Variants in AIPL1 observed in about 807,000 individuals in gnomAD.
The protein encoded by AIPL1 is aryl-hydrocarbon-interacting protein-like 1.
Under a neutral mutation model 32.9 loss-of-function variants are expected in AIPL1, and 23 were observed. The observed-to-expected ratio is 0.70, with a 90% CI of 0.50 to 0.99. AIPL1 has a LOEUF of 0.99. AIPL1 is among the 50% of genes least tolerant of loss of function. The pLI is 0.00. For synonymous variants in AIPL1, 210 were observed against 209.4 expected (o/e 1.00, Z -0.02); for missense variants, 485 against 506.0 (o/e 0.96, Z 0.40).
chr17:6,427,789 T>C lies in AIPL1; in HGVS notation c.465+529A>G, dbSNP rs373337229. Among the ~76,000 whole-genome samples, 6 of 150,528 alleles carry C rather than the reference T, an allele frequency of 4.0e-5. No individual in the cohort carries two copies. In the East Asian group the frequency reaches 1.2e-3, roughly 30 times the overall value. ...CCACAATGAAAATGAATCACATTTT[T>C]AAAAACTGGTTCCAAGTGGACTTTT... is the stretch of plus-strand genomic sequence containing the variant. On this transcript the variant is annotated intron_variant, in intron 3 of 5. Coordinates refer to ENST00000381129, the MANE Select transcript of AIPL1 (RefSeq NM_014336.5).
intron 2 of AIPL1, among the ~76,000 whole-genome samples, chr17:6,430,456 CAAAAA>C (rs1169701817): frequency 2.2e-5 from 1 of 44,514 alleles, no homozygotes; most frequent in African/African-American, 9.0e-5. Flanking sequence ...AAGTCCGTCT[CAAAAA>C]AAAAAAAAAA....
chr17:6,429,520 G>C (rs58841074), intron 2 of AIPL1, among the ~76,000 whole-genome samples: 1,671 of 152,296 alleles, frequency 0.011, 32 homozygotes, highest in African/African-American at 0.038. Flanking sequence ...AGAGGCCCCA[G>C]AACCAGCTTA....
intron 2 of AIPL1, among the ~76,000 whole-genome samples, chr17:6,429,619 C>A (rs1014471742): frequency 6.6e-5 from 10 of 152,204 alleles, no homozygotes; most frequent in African/African-American, 2.4e-4. Context: ...GCTTTTGTGG[C>A]CCCAAAGCAC....
In AIPL1 at chr17:6,434,233, C is replaced by G. The variant is rs1476110049; in HGVS notation, c.97-135G>C. ...TTCACCCCATCAGATGCCTCAGACC[C>G]CTGGAGCACCTCCACCCTGCCTGCA... is the stretch of plus-strand genomic sequence containing the variant. On this transcript the variant is annotated intron_variant, in intron 1 of 5. Coordinates refer to ENST00000381129, the MANE Select transcript of AIPL1 (RefSeq NM_014336.5). The G allele has an allele frequency of 3.0e-6, 3 of 991,370 alleles. No individual in the cohort carries two copies. In the Admixed American group the frequency reaches 6.0e-5, roughly 20 times the overall value. 61.4% of individuals were successfully genotyped at this position (991,370 alleles called of 1,614,324 possible).
intron 2 of AIPL1, among the ~76,000 whole-genome samples, chr17:6,432,565 G>A (rs1459787268): frequency 2.0e-5 from 3 of 151,780 alleles, no homozygotes; most frequent in Non-Finnish European, 2.9e-5. Context: ...GATATTAGAC[G>A]GCTTTAAGGA....
chr17:6,426,905 G>A lies in AIPL1; in HGVS notation c.618C>T (p.Ile206=), dbSNP rs989061103. 6.2e-7 allele frequency: 1 copy of A among 1,614,098 alleles called. No homozygotes were observed. Among genetic ancestry groups the A allele is most frequent in the African/African-American group, 1.3e-5 (1 of 74,940 alleles). The change falls in exon 4 of 6, where the codon ATC becomes ATT. Residue 206 remains isoleucine, a synonymous_variant. Transcript: ENST00000381129. The part of the protein sequence containing the change: ...EASSKYQEAI[I]CLRNLQTKEK... Reference sequence around the variant, plus strand: ...CCTTGGTCTGCAGGTTCCTTAGGCAGATGATGGCCTCCTGGTACTTGGAAG... The same window carrying A: ...CCTTGGTCTGCAGGTTCCTTAGGCAAATGATGGCCTCCTGGTACTTGGAAG...
Position 6,425,351 on chromosome 17 carries a change from C to A in AIPL1, c.*109G>T. ...CCATGGGTGTGTCTGACTTTGATTT[C>A]AAAAATTAATTTTAAATTTTAAAAA... On this transcript the variant is annotated 3_prime_UTR_variant, in exon 6 of 6. Coordinates refer to ENST00000381129, the MANE Select transcript of AIPL1 (RefSeq NM_014336.5). 2.3e-5 allele frequency: 28 copies of A among 1,230,748 alleles called. No individual in the cohort carries two copies. The highest frequency in any genetic ancestry group is 3.2e-5 in the African/African-American group (2 of 62,432). The allele number at this position is 1,230,748 out of a possible 1,614,324, so 76.2% of individuals were successfully genotyped here.
Position 6,426,975 on chromosome 17 carries a change from C to T in AIPL1, c.548G>A (p.Gly183Glu). The stretch of plus-strand genomic sequence containing the variant: ...CAGCTTGAAGAGCCGATTTCCCTCT[C>T]CGTGGAGGACGGGCACCGCCTTCAT... Reference protein sequence around the residue: ...EKMKAVPVLHGEGNRLFKLGR... With the variant: ...EKMKAVPVLHEEGNRLFKLGR... Residue 183 changes from glycine to glutamate, a missense_variant, in exon 4 of 6, where the codon GGA becomes GAA. Transcript: ENST00000381129. 1 of 1,614,232 alleles carries T rather than the reference C, an allele frequency of 6.2e-7. No individual in the cohort carries two copies. Among genetic ancestry groups the T allele is most frequent in the Non-Finnish European group, 8.5e-7 (1 of 1,180,042 alleles).
intron 2 of AIPL1, among the ~76,000 whole-genome samples, chr17:6,430,471 A>AC (rs1912491868): frequency 6.6e-6 from 1 of 150,602 alleles, no homozygotes. Context: ...AAAAAAAAAA[A>AC]AAAAAAAAAC....
rs183351794 is a variant in AIPL1, at chr17:6,428,796, G to A, written c.277-290C>T. The stretch of plus-strand genomic sequence containing the variant: ...TAAGGTCACACAGCTAGGAAATGAC[G>A]CAGCCAGGATTCAAACCTGGCTCCA... On this transcript the variant is annotated intron_variant, in intron 2 of 5. Coordinates refer to ENST00000381129, the MANE Select transcript of AIPL1 (RefSeq NM_014336.5). Among the ~76,000 whole-genome samples the A allele has an allele frequency of 2.5e-4, 38 of 152,326 alleles. No individual in the cohort carries two copies. The East Asian group carries it at 4.8e-3, about 19-fold the overall frequency.
chr17:6,433,320 G>A (rs1912792187), intron 2 of AIPL1, among the ~76,000 whole-genome samples: 1 of 152,154 alleles, frequency 6.6e-6, no homozygotes, highest in African/African-American at 2.4e-5. Context: ...GACTTAGCCG[G>A]GCAAGATGGC....
intron 2 of AIPL1, among the ~76,000 whole-genome samples, chr17:6,433,582 C>CT (rs1912818131): frequency 1.6e-5 from 2 of 126,248 alleles, no homozygotes; most frequent in African/African-American, 6.1e-5. Context: ...CAGAGCGAGA[C>CT]CCTATCTCTC....
At chr17:6,427,809 ACTTTTTTTTTTTTT>A (rs1912140857) in intron 3 of AIPL1, among the ~76,000 whole-genome samples, 1 of 94,128 alleles carries the variant, frequency 1.1e-5, no homozygotes, top group Non-Finnish European at 2.6e-5. Context: ...TTCCAAGTGG[ACTTTTTTTTTTTTT>A]CTTTTTTTTG....
rs1911802807 is a variant in AIPL1 at position 6,425,324 on chromosome 17, T to A, written c.*136A>T. ...TTGGGATTGTTTTTTTTTTTTTTTT[T>A]ACCATGGGTGTGTCTGACTTTGATT... On this transcript the variant is annotated 3_prime_UTR_variant, in exon 6 of 6. Transcript: ENST00000381129. 2.0e-6 allele frequency: 2 copies of A among 981,000 alleles called. No homozygotes were observed. The highest frequency in any genetic ancestry group is 1.7e-5 in the African/African-American group (1 of 60,014). 60.8% of individuals were successfully genotyped at this position (981,000 alleles called of 1,614,324 possible).
chr17:6,431,162 T>C (rs1352777915), intron 2 of AIPL1, among the ~76,000 whole-genome samples: 1 of 152,206 alleles, frequency 6.6e-6, no homozygotes, highest in Non-Finnish European at 1.5e-5. Context: ...AAATTTTTTC[T>C]AGGCTGGACA....
Position 6,425,364 on chromosome 17 carries a change from T to A in AIPL1, c.*96A>T. On this transcript the variant is annotated 3_prime_UTR_variant, in exon 6 of 6. Coordinates refer to ENST00000381129, the MANE Select transcript of AIPL1 (RefSeq NM_014336.5). The stretch of plus-strand genomic sequence containing the variant: ...TGACTTTGATTTCAAAAATTAATTT[T>A]AAATTTTAAAAAGTGACACCACGAT... The A allele has an allele frequency of 3.5e-6, 5 of 1,427,496 alleles. No individual in the cohort carries two copies. The highest frequency in any genetic ancestry group is 1.4e-5 in the African/African-American group (1 of 70,394). 88.4% of individuals were successfully genotyped at this position (1,427,496 alleles called of 1,614,324 possible).
Position 6,425,591 on chromosome 17 carries a change from G to A in AIPL1, c.1024C>T (p.Pro342Ser), listed in dbSNP as rs750182531. ...TQPPAEPPTE[P>S]PAQSSTEPPA... ...GGCTCTGTGGATGACTGTGCGGGTG[G>A]CTCTGTGGGTGGCTCTGCGGGAGGC... The change falls in exon 6 of 6, where the codon CCA becomes TCA. Residue 342 changes from proline to serine, a missense_variant. Coordinates refer to ENST00000381129, the MANE Select transcript of AIPL1 (RefSeq NM_014336.5). 1.9e-6 allele frequency: 3 copies of A among 1,613,400 alleles called. No individual in the cohort carries two copies. In the South Asian group the frequency reaches 3.3e-5, roughly 18 times the overall value.
intron 1 of AIPL1, 49 bp from the exon 2 acceptor site, chr17:6,434,147 C>A (rs201702198): frequency 6.3e-7 from 1 of 1,595,140 alleles, no homozygotes; most frequent in East Asian, 2.2e-5. Context: ...GTTCAAGGCC[C>A]GGCAGAAGCC....
intron 2 of AIPL1, among the ~76,000 whole-genome samples, chr17:6,432,319 G>A (rs1384035024): frequency 1.3e-5 from 2 of 151,516 alleles, no homozygotes; most frequent in Admixed American, 6.6e-5. Context: ...AGGTTGCAGT[G>A]AGCCAAGATC....
Sources: gnomAD v4.1 joint callset for allele counts (sites outside exome capture counted in the v4.1 genomes callset) on GRCh38, gnomAD v4.1.1 for gene constraint, MANE v1.5 for transcripts, NCBI Gene and HGNC (gene_info 2026-07-23, HGNC 2026-07-21) for gene names.